Variants in FAM120B observed in about 807,000 individuals in gnomAD.
FAM120B encodes the protein constitutive coactivator of peroxisome proliferator-activated receptor gamma.
FAM120B carries 83 observed loss-of-function variants against 96.3 expected under a neutral mutation model. The observed-to-expected ratio is 0.86, with a 90% CI of 0.72 to 1.03. FAM120B has a LOEUF of 1.03. Among genes scored for constraint, FAM120B ranks in the 50% least tolerant of loss-of-function variants. The pLI is 0.00. For synonymous variants in FAM120B, 407 were observed against 402.7 expected (o/e 1.01, Z -0.13); for missense variants, 1,027 against 1,121.2 (o/e 0.92, Z 1.20).
intron 2 of FAM120B, among the ~76,000 whole-genome samples, chr6:170,320,560 G>A (rs922873988): frequency 1.3e-5 from 2 of 152,204 alleles, no homozygotes; most frequent in African/African-American, 4.8e-5. Flanking sequence ...GAGTACCGGC[G>A]ATGGTAGATG....
intron 9 of FAM120B, among the ~76,000 whole-genome samples, chr6:170,400,919 A>G (rs1276607353): frequency 2.6e-5 from 4 of 152,174 alleles, no homozygotes; most frequent in Admixed American, 2.0e-4. Flanking sequence ...GATGCCATGC[A>G]CATTGGCTTC....
chr6:170,356,884 A>G (rs1220121660), intron 5 of FAM120B, among the ~76,000 whole-genome samples: 3 of 152,192 alleles, frequency 2.0e-5, no homozygotes, highest in African/African-American at 4.8e-5. Context: ...CATATATTTT[A>G]TATTCCTTTT....
At chr6:170,353,651 CAAAT>C (rs1435962123) in intron 5 of FAM120B, among the ~76,000 whole-genome samples, 1 of 151,982 alleles carries the variant, frequency 6.6e-6, no homozygotes, top group Admixed American at 6.6e-5. Flanking sequence ...AAGCAAATCA[CAAAT>C]AAACTCCCAT....
chr6:170,354,922 C>G (rs1036060901), intron 5 of FAM120B, among the ~76,000 whole-genome samples: 1 of 152,032 alleles, frequency 6.6e-6, no homozygotes, highest in Non-Finnish European at 1.5e-5. Context: ...GAGTGAGACT[C>G]TATCTCAAAA....
Position 170,323,204 on chromosome 6 carries a change from C to T in FAM120B, c.1860C>T (p.Phe620=), listed in dbSNP as rs1785407423. The T allele has an allele frequency of 1.2e-6, 2 of 1,614,016 alleles. No individual in the cohort carries two copies. The highest frequency in any genetic ancestry group is 2.2e-5 in the South Asian group (2 of 91,080). Residue 620 remains phenylalanine (F), a synonymous_variant, in exon 3 of 11, where the codon TTC becomes TTT. Coordinates refer to ENST00000476287, the MANE Select transcript of FAM120B (RefSeq NM_032448.3). ...ACCAGGCCTTACCCAGCCAGGCCTT[C>T]ATTTACCGTCCCATTCGACAGCGGG... The part of the protein sequence containing the change: ...ELDQALPSQA[F]IYRPIRQRVY...
chr6:170,313,145 T>G (rs1784692172), intron 1 of FAM120B, among the ~76,000 whole-genome samples: 2 of 152,226 alleles, frequency 1.3e-5, no homozygotes, highest in African/African-American at 2.4e-5. Context: ...GCACCCACCC[T>G]TATTTATTCA....
At chr6:170,403,070 T>C (rs1778665955) in intron 9 of FAM120B, among the ~76,000 whole-genome samples, 1 of 152,160 alleles carries the variant, frequency 6.6e-6, no homozygotes, top group Admixed American at 6.5e-5. Context: ...AGTTTAGGAA[T>C]GAGAGTGGGA....
intron 1 of FAM120B, among the ~76,000 whole-genome samples, chr6:170,309,054 G>A (rs780505658): frequency 2.6e-5 from 4 of 152,134 alleles, no homozygotes; most frequent in East Asian, 1.9e-4. Flanking sequence ...AGGATAGTCC[G>A]CTTAATGGAA....
intron 5 of FAM120B, among the ~76,000 whole-genome samples, chr6:170,355,113 T>G (rs1787818930): frequency 6.6e-6 from 1 of 152,178 alleles, no homozygotes; most frequent in South Asian, 2.1e-4. Context: ...ACTTTTACAC[T>G]GTTGGTTGGA....
At chr6:170,301,193 A>G (rs1237525622) in intron 1 of FAM120B, among the ~76,000 whole-genome samples, 1 of 152,110 alleles carries the variant, frequency 6.6e-6, no homozygotes, top group East Asian at 1.9e-4. Context: ...AGGTTCCCAA[A>G]CCTCTGTTCT....
intron 9 of FAM120B, among the ~76,000 whole-genome samples, chr6:170,401,251 C>A (rs1449515480): frequency 6.6e-6 from 1 of 152,192 alleles, no homozygotes; most frequent in Non-Finnish European, 1.5e-5. Flanking sequence ...CCAGAGGCCA[C>A]CATGGTTTCC....
At chr6:170,293,837 A>C (rs1019855518), upstream of FAM120B, among the ~76,000 whole-genome samples, 1 of 142,090 alleles carries the variant, frequency 7.0e-6, no homozygotes, top group Non-Finnish European at 1.5e-5. Context: ...GAGACTGTTT[A>C]ACTTCAGCGT....
At chr6:170,367,441 A>G (rs1417475119) in intron 6 of FAM120B, among the ~76,000 whole-genome samples, 1 of 152,266 alleles carries the variant, frequency 6.6e-6, no homozygotes, top group Non-Finnish European at 1.5e-5. Flanking sequence ...ATGCTCAGTC[A>G]TTTGCAGCTG....
At chr6:170,369,980 T>G (rs1789076465) in intron 6 of FAM120B, among the ~76,000 whole-genome samples, 1 of 152,228 alleles carries the variant, frequency 6.6e-6, no homozygotes, top group African/African-American at 2.4e-5. Context: ...CTTTCACATG[T>G]AACTTATTTT....
intron 6 of FAM120B, among the ~76,000 whole-genome samples, chr6:170,377,785 T>A (rs35931761): frequency 0.17 from 14,626 of 83,968 alleles, 2,586 homozygotes; most frequent in East Asian, 0.76. Flanking sequence ...GCGTCCCTAA[T>A]CCCAGATGCC....
Position 170,327,917 on chromosome 6 carries a change from A to C in FAM120B, c.1916-2532A>C, listed in dbSNP as rs1157974748. ...TAGGCTTTACACACACTGCACACGCAGGCTGCTCTGGTGACTCCGGTGAGC... is the reference window on the plus strand; with the variant it reads ...TAGGCTTTACACACACTGCACACGCCGGCTGCTCTGGTGACTCCGGTGAGC... On this transcript the variant is annotated intron_variant, in intron 3 of 10. Transcript: ENST00000476287. Among the ~76,000 whole-genome samples, 16 of 151,832 alleles carry C rather than the reference A, an allele frequency of 1.1e-4. No homozygotes were observed. In the East Asian group the frequency reaches 3.1e-3, roughly 29 times the overall value.
chr6:170,321,177 T>G, intron 2 of FAM120B, among the ~76,000 whole-genome samples: 1 of 152,240 alleles, frequency 6.6e-6, no homozygotes, highest in Non-Finnish European at 1.5e-5. Flanking sequence ...GTTTCTTACA[T>G]TGCCCTTACA....
At chr6:170,330,379 G>T in intron 3 of FAM120B, 70 bp from the exon 4 acceptor site, 1 of 1,220,400 alleles carries the variant, frequency 8.2e-7, no homozygotes. Context: ...GGGCAGAGCT[G>T]GGTCTGTGAC....
intron 6 of FAM120B, among the ~76,000 whole-genome samples, chr6:170,386,764 T>G (rs1790210058): frequency 6.6e-6 from 1 of 152,142 alleles, no homozygotes; most frequent in South Asian, 2.1e-4. Flanking sequence ...TCCAGCAAAA[T>G]CCTGATGCAA....
Sources: allele counts gnomAD v4.1 joint callset (sites outside exome capture counted in the v4.1 genomes callset), GRCh38; gene constraint gnomAD v4.1.1; transcripts MANE v1.5; gene names NCBI Gene and HGNC (gene_info 2026-07-23, HGNC 2026-07-21).